The following SNTG1 variants were observed in gnomAD, a reference collection of about 807,000 sequenced individuals.
SNTG1 encodes the protein syntrophin gamma 1.
Under a neutral mutation model 74.7 loss-of-function variants are expected in SNTG1, and 39 were observed. That is an observed-to-expected ratio of 0.52 (90% CI 0.40 to 0.68). The LOEUF (loss-of-function observed/expected upper bound fraction) is 0.68, where lower values mean the gene tolerates loss of function less well. Ranked by LOEUF, SNTG1 falls within the 30% of genes least tolerant of loss-of-function variation. SNTG1 has a pLI of 0.00. For synonymous variants in SNTG1, 254 were observed against 217.1 expected, an observed-to-expected ratio of 1.17 and a Z score of -1.49; for missense variants, 685 against 609.5, an observed-to-expected ratio of 1.12 and a Z score of -1.30.
chr8:50,558,100 A>G (rs974353236), intron 12 of SNTG1, among the ~76,000 whole-genome samples: 1 of 152,098 alleles, frequency 6.6e-6, no homozygotes, highest in Admixed American at 6.6e-5. Flanking sequence ...TTTCCTCATG[A>G]CTGGAGAAAA....
chr8:50,312,614 GA>G (rs1156920127), intron 2 of SNTG1, among the ~76,000 whole-genome samples: 1 of 149,692 alleles, frequency 6.7e-6, no homozygotes, highest in Non-Finnish European at 1.5e-5. Context: ...CTACGATTAT[GA>G]AAAATTTCAA....
chr8:50,656,778 T>A (rs2095184386), intron 13 of SNTG1, 131 bp from the exon 14 acceptor site: 1 of 621,352 alleles, frequency 1.6e-6, no homozygotes, highest in South Asian at 2.3e-5. Context: ...AATTTGATAA[T>A]TTTATGTGAG....
chr8:50,157,658 A>G (rs2082293935), intron 1 of SNTG1, among the ~76,000 whole-genome samples: 2 of 152,146 alleles, frequency 1.3e-5, no homozygotes, highest in South Asian at 4.1e-4. Context: ...ATGACAAAAT[A>G]AAATGTGATA....
intron 1 of SNTG1, among the ~76,000 whole-genome samples, chr8:49,935,346 T>C (rs1354630545): frequency 6.6e-6 from 1 of 150,652 alleles, no homozygotes; most frequent in Non-Finnish European, 1.5e-5. Flanking sequence ...TCTTAGGGGA[T>C]TCCCATACTA....
chr8:49,957,708 G>GGTTGGGTTTTGGAGA (rs1810301634), intron 1 of SNTG1, among the ~76,000 whole-genome samples: 1 of 152,164 alleles, frequency 6.6e-6, no homozygotes, highest in East Asian at 1.9e-4. Flanking sequence ...TTTGCCCTTT[G>GGTTGGGTTTTGGAGA]GTTGGGTTTT....
Position 50,571,935 on chromosome 8 carries a change from G to A in SNTG1, c.810+18756G>A, listed in dbSNP as rs575069662. Among the ~76,000 whole-genome samples, 13 of 152,242 alleles carry A rather than the reference G, an allele frequency of 8.5e-5. No homozygotes were observed. The South Asian group carries it at 2.3e-3, about 27-fold the overall frequency. On this transcript the variant is annotated intron_variant, in intron 12 of 18. Transcript: ENST00000642720. ...TGGAGCTTCAAAGCCAAGGACCCCTGATGAGGGAGCAGAGGTGGTCACACA... is the reference window on the plus strand; with the variant it reads ...TGGAGCTTCAAAGCCAAGGACCCCTAATGAGGGAGCAGAGGTGGTCACACA...
intron 1 of SNTG1, among the ~76,000 whole-genome samples, chr8:50,151,533 T>A (rs1255176447): frequency 6.6e-6 from 1 of 152,220 alleles, no homozygotes; most frequent in Non-Finnish European, 1.5e-5. Flanking sequence ...TCCTGCTTTC[T>A]CCTGTGGGCA....
intron 17 of SNTG1, among the ~76,000 whole-genome samples, chr8:50,710,981 A>G (rs2095459941): frequency 6.6e-6 from 1 of 152,180 alleles, no homozygotes; most frequent in African/African-American, 2.4e-5. Flanking sequence ...CTACACATTA[A>G]TCAAGAAGGT....
intron 1 of SNTG1, among the ~76,000 whole-genome samples, chr8:49,955,538 C>A (rs761199952): frequency 2.0e-5 from 3 of 152,208 alleles, no homozygotes; most frequent in Non-Finnish European, 4.4e-5. Flanking sequence ...CTTTTCATCA[C>A]TTACTTGTCT....
chr8:50,670,645 C>A (rs1443382019), intron 15 of SNTG1, among the ~76,000 whole-genome samples: 1 of 140,362 alleles, frequency 7.1e-6, no homozygotes, highest in Admixed American at 7.1e-5. Context: ...TCAATGCCAT[C>A]CCAATCAAGC....
At chr8:50,138,779 T>A (rs1016396519) in intron 1 of SNTG1, among the ~76,000 whole-genome samples, 3 of 151,948 alleles carry the variant, frequency 2.0e-5, no homozygotes, top group African/African-American at 4.8e-5. Flanking sequence ...AATAGTTATC[T>A]ATTTTAAACA....
In SNTG1 at chr8:50,505,172, C is replaced by T. The variant is rs556719324; in HGVS notation, c.466+2292C>T. On this transcript the variant is annotated intron_variant, in intron 9 of 18. Transcript: ENST00000642720. The stretch of plus-strand genomic sequence containing the variant: ...TGTAGAATAGGACAAAATTTCATTC[C>T]TATTTAAGAATGAATAACATTCTTT... 7.2e-5 allele frequency among the ~76,000 whole-genome samples: 11 copies of T among 152,218 alleles called. No homozygotes were observed. The South Asian group carries it at 2.3e-3, about 32-fold the overall frequency.
intron 2 of SNTG1, among the ~76,000 whole-genome samples, chr8:50,271,540 G>T (rs1366261297): frequency 6.6e-6 from 1 of 152,044 alleles, no homozygotes. Flanking sequence ...AATTTATAAG[G>T]TTTTATTTCA....
chr8:50,175,307 A>T (rs974311342), intron 2 of SNTG1, among the ~76,000 whole-genome samples: 1 of 152,166 alleles, frequency 6.6e-6, no homozygotes, highest in Non-Finnish European at 1.5e-5. Context: ...GCAGCGAGTG[A>T]TCTAGAACTT....
intron 17 of SNTG1, among the ~76,000 whole-genome samples, chr8:50,743,103 C>CAA (rs35053014): frequency 3.0e-5 from 4 of 133,492 alleles, no homozygotes; most frequent in African/African-American, 2.7e-5. Flanking sequence ...AAATTCTTAC[C>CAA]AAAAAAAAAA....
chr8:50,079,869 G>A (rs1313413908), intron 1 of SNTG1, among the ~76,000 whole-genome samples: 2 of 152,062 alleles, frequency 1.3e-5, no homozygotes, highest in Non-Finnish European at 2.9e-5. Context: ...GATGTGTGGT[G>A]TTATTTCTGA....
In SNTG1 at chr8:50,306,847, C is replaced by T. The variant is rs188892732; in HGVS notation, c.-27-87365C>T. Reference sequence around the variant, plus strand: ...CCATTCTGTGGGTTATCTCTTTATTCTTATGATTATTTCTTTTGCCATGCG... The same window carrying T: ...CCATTCTGTGGGTTATCTCTTTATTTTTATGATTATTTCTTTTGCCATGCG... On this transcript the variant is annotated intron_variant, in intron 2 of 18. Transcript: ENST00000642720. Among the ~76,000 whole-genome samples the T allele has an allele frequency of 4.8e-3, 727 of 151,712 alleles. 4 individuals carry two copies. The highest frequency in any genetic ancestry group is 0.01 in the Middle Eastern group (3 of 294).
At chr8:50,217,217 A>G (rs990139474) in intron 2 of SNTG1, among the ~76,000 whole-genome samples, 3 of 152,112 alleles carry the variant, frequency 2.0e-5, no homozygotes, top group African/African-American at 7.2e-5. Flanking sequence ...TGGTTAATAT[A>G]CTGGTACACA....
chr8:50,037,729 A>T (rs1391324134), intron 1 of SNTG1, among the ~76,000 whole-genome samples: 1 of 152,240 alleles, frequency 6.6e-6, no homozygotes, highest in East Asian at 1.9e-4. Flanking sequence ...ACATTGGGCT[A>T]GTTATCAAAT....
Sources: allele counts gnomAD v4.1 joint callset (sites outside exome capture counted in the v4.1 genomes callset), GRCh38; gene constraint gnomAD v4.1.1; transcripts MANE v1.5; gene names NCBI Gene and HGNC (gene_info 2026-07-23, HGNC 2026-07-21).